Variants in DMD observed in about 807,000 individuals in gnomAD.
DMD encodes dystrophin.
Under a neutral mutation model 330.1 loss-of-function variants are expected in DMD, and 63 were observed. That is an observed-to-expected ratio of 0.19 (90% confidence interval 0.16 to 0.24). The LOEUF (loss-of-function observed/expected upper bound fraction) is 0.24. DMD is among the 10% of genes least tolerant of loss of function. The pLI is 1.00. For synonymous variants in DMD, 1,223 were observed against 959.8 expected, an observed-to-expected ratio of 1.27 and a Z score of -5.07; for missense variants, 3,344 against 2,684.1, an observed-to-expected ratio of 1.25 and a Z score of -5.43.
At chrX:32,781,676 C>CCATCTCTCCATGT (rs2074776822) in intron 7 of DMD, among the ~76,000 whole-genome samples, 1 of 110,302 alleles carries the variant, frequency 9.1e-6, no homozygotes, top group Admixed American at 9.8e-5. Flanking sequence ...AGACATACTA[C>CCATCTCTCCATGT]ATTCGTCTTA....
At chrX:32,797,984 A>G (rs2076295898) in intron 7 of DMD, among the ~76,000 whole-genome samples, 1 of 111,923 alleles carries the variant, frequency 8.9e-6, no homozygotes, top group Non-Finnish European at 1.9e-5. Context: ...CCAACTGAGT[A>G]AGAAACTCTT....
rs73619016 is a variant in DMD, at chrX:31,908,925, G to A, written c.6912+20671C>T. On this transcript the variant is annotated intron_variant, in intron 47 of 78. Transcript: ENST00000357033. ...CAGGAAGTTGGAAATTAAGAAGCAC[G>A]TATAAAAATGGTAAGTGCTAAAGGG... 3.5e-3 allele frequency among the ~76,000 whole-genome samples: 387 copies of A among 111,659 alleles called. 1 individual carries two copies. Among genetic ancestry groups the A allele is most frequent in the African/African-American group, 0.012 (369 of 30,713 alleles).
chrX:31,419,515 T>TC (rs1902864263), intron 60 of DMD, among the ~76,000 whole-genome samples: 1 of 110,875 alleles, frequency 9.0e-6, no homozygotes, highest in African/African-American at 3.3e-5. Context: ...CTCTCAGCAC[T>TC]CTGCTTTTGT....
chrX:31,525,792 G>T (rs1222859460), intron 55 of DMD, among the ~76,000 whole-genome samples: 1 of 112,499 alleles, frequency 8.9e-6, no homozygotes, highest in East Asian at 2.8e-4. Flanking sequence ...TCAATCTGTT[G>T]TTACAGCAAA....
chrX:33,167,012 C>T (rs984032986), intron 1 of DMD, among the ~76,000 whole-genome samples: 5 of 111,126 alleles, frequency 4.5e-5, no homozygotes, highest in Non-Finnish European at 9.5e-5. Flanking sequence ...TACTATGGAG[C>T]AGATGCTGTC....
At chrX:32,738,797 G>T (rs2148150864) in intron 7 of DMD, among the ~76,000 whole-genome samples, 1 of 111,449 alleles carries the variant, frequency 9.0e-6, no homozygotes, top group Admixed American at 9.6e-5. Context: ...CTTATAGATG[G>T]AATATCATAC....
intron 2 of DMD, among the ~76,000 whole-genome samples, chrX:32,901,508 T>A (rs2149300653): frequency 9.1e-6 from 1 of 109,317 alleles, no homozygotes; most frequent in African/African-American, 3.5e-5. Context: ...AAACACAAAT[T>A]TTAACTTTGC....
At chrX:33,122,613 T>C (rs1200950308) in intron 1 of DMD, among the ~76,000 whole-genome samples, 1 of 112,510 alleles carries the variant, frequency 8.9e-6, no homozygotes, top group Non-Finnish European at 1.9e-5. Context: ...CAAAAAAATA[T>C]CTTACCATAA....
intron 57 of DMD, among the ~76,000 whole-genome samples, chrX:31,491,042 CATCTAA>C (rs1386715857): frequency 8.9e-6 from 1 of 112,326 alleles, no homozygotes; most frequent in Non-Finnish European, 1.9e-5. Flanking sequence ...TGATTACTTC[CATCTAA>C]ATCTTAACCA....
At chrX:32,286,727 T>C (rs2148451656) in intron 43 of DMD, among the ~76,000 whole-genome samples, 1 of 111,424 alleles carries the variant, frequency 9.0e-6, no homozygotes, top group African/African-American at 3.3e-5. Context: ...AACCAAGAAC[T>C]AAAATAGGAG....
At chrX:32,808,328 G>A (rs985391337) in intron 7 of DMD, among the ~76,000 whole-genome samples, 2 of 112,220 alleles carry the variant, frequency 1.8e-5, no homozygotes, top group African/African-American at 6.5e-5. Context: ...GCTTTCCCAA[G>A]TACATGTGCT....
At chrX:32,889,035 C>T (rs1603458520) in intron 2 of DMD, among the ~76,000 whole-genome samples, 1 of 110,217 alleles carries the variant, frequency 9.1e-6, no homozygotes, top group Non-Finnish European at 1.9e-5. Context: ...GAGTGTGTTC[C>T]TGAGAGGAGG....
chrX:31,615,641 A>G (rs1421749267), intron 55 of DMD, among the ~76,000 whole-genome samples: 5 of 112,192 alleles, frequency 4.5e-5, no homozygotes, highest in Non-Finnish European at 7.5e-5. Flanking sequence ...AAACGAGTCA[A>G]TATGAACGCT....
At chrX:33,260,101 T>C (rs1001851388) in intron 1 of DMD, among the ~76,000 whole-genome samples, 7 of 110,961 alleles carry the variant, frequency 6.3e-5, no homozygotes, top group African/African-American at 2.3e-4. Context: ...TGCTAGATCA[T>C]ATGATAAGTG....
intron 1 of DMD, among the ~76,000 whole-genome samples, chrX:33,326,170 A>C (rs2054086685): frequency 9.0e-6 from 1 of 110,900 alleles, no homozygotes; most frequent in Non-Finnish European, 1.9e-5. Flanking sequence ...TTAGGACTCA[A>C]ACAAATGTCT....
At chrX:31,257,593 C>T (rs1266462672) in intron 63 of DMD, among the ~76,000 whole-genome samples, 1 of 111,696 alleles carries the variant, frequency 9.0e-6, no homozygotes, top group African/African-American at 3.2e-5. Flanking sequence ...CTCTGAAACA[C>T]TGTAATTTTG....
At chrX:32,842,265 G>A (rs1200926228) in intron 4 of DMD, among the ~76,000 whole-genome samples, 1 of 112,299 alleles carries the variant, frequency 8.9e-6, no homozygotes, top group Non-Finnish European at 1.9e-5. Context: ...CCTTGTGGTT[G>A]GGCTCCTCTA....
rs914385532 is a variant in DMD at position 31,529,364 on chromosome X, G to A, written c.8218-21911C>T. Among the ~76,000 whole-genome samples, 6 of 110,874 alleles carry A rather than the reference G, an allele frequency of 5.4e-5. No homozygotes were observed. The South Asian group carries it at 1.9e-3, about 35-fold the overall frequency. On this transcript the variant is annotated intron_variant, in intron 55 of 78. Transcript: ENST00000357033. ...CATGCCACTCCACTCCAGCCTGGGT[G>A]ACAGAGCAAGACTCTGTCTCTAAAA...
intron 43 of DMD, among the ~76,000 whole-genome samples, chrX:32,266,844 T>C (rs2097346542): frequency 8.9e-6 from 1 of 112,153 alleles, no homozygotes; most frequent in South Asian, 3.7e-4. Context: ...ATGTTTTACA[T>C]ACACCACCAA....
Sources: gnomAD v4.1 joint callset for allele counts (sites outside exome capture counted in the v4.1 genomes callset) on GRCh38, gnomAD v4.1.1 for gene constraint, MANE v1.5 for transcripts, NCBI Gene and HGNC (gene_info 2026-07-23, HGNC 2026-07-21) for gene names.